PCNX1: variants seen among roughly 807,000 people sequenced by gnomAD.
PCNX1 encodes pecanex-like protein 1.
PCNX1 carries 78 observed loss-of-function variants against 242.2 expected under a neutral mutation model. The observed-to-expected ratio is 0.32, with a 90% CI of 0.27 to 0.39. PCNX1 has a LOEUF of 0.39. Among genes scored for constraint, PCNX1 ranks in the 10% least tolerant of loss-of-function variants. The probability of loss-of-function intolerance (pLI) is 1.00; values close to 1 mark genes in which losing one functional copy is unlikely to be tolerated. For synonymous variants in PCNX1, 1,024 were observed against 1,032.9 expected, an observed-to-expected ratio of 0.99 and a Z score of 0.17; for missense variants, 2,581 against 2,856.5, an observed-to-expected ratio of 0.90 and a Z score of 2.20.
At position 71,055,452 on chromosome 14, in the gene PCNX1, TA is replaced by T. The variant is rs376918792; in HGVS notation, c.4578-49del. ...TAGTTTCTTCCTCAGTCTAAATTGT[TA>T]AATATTTTTTAATGTAAAGAAAGTT... On this transcript the variant is annotated intron_variant, in intron 24 of 35. Coordinates refer to ENST00000304743, the MANE Select transcript of PCNX1 (RefSeq NM_014982.3). The T allele has an allele frequency of 4.3e-5, 46 of 1,068,196 alleles. No homozygotes were observed. The East Asian group carries it at 5.0e-4, about 12-fold the overall frequency. 66.2% of individuals were successfully genotyped at this position (1,068,196 alleles called of 1,614,324 possible).
At chr14:71,059,480 C>T (rs1236615061) in intron 26 of PCNX1, among the ~76,000 whole-genome samples, 2 of 151,978 alleles carry the variant, frequency 1.3e-5, no homozygotes, top group South Asian at 2.1e-4. Flanking sequence ...AACTCCTGGG[C>T]TCAAGGGATC....
chr14:70,990,564 CAA>C (rs35800114), intron 7 of PCNX1, among the ~76,000 whole-genome samples: 17 of 140,738 alleles, frequency 1.2e-4, no homozygotes, highest in Middle Eastern at 3.5e-3. Context: ...GACTCCATCT[CAA>C]AAAAAAAAAA....
At chr14:70,926,335 C>G (rs924504998) in intron 1 of PCNX1, among the ~76,000 whole-genome samples, 1 of 152,194 alleles carries the variant, frequency 6.6e-6, no homozygotes, top group Non-Finnish European at 1.5e-5. Context: ...GCCATTGCCC[C>G]TGCCGTCTCA....
intron 1 of PCNX1, among the ~76,000 whole-genome samples, chr14:70,916,516 A>G (rs2056158643): frequency 6.6e-6 from 1 of 152,226 alleles, no homozygotes; most frequent in Non-Finnish European, 1.5e-5. Flanking sequence ...AATGAGTCAC[A>G]AATTTTGTGG....
chr14:70,961,546 C>T (rs2058214451), intron 2 of PCNX1, among the ~76,000 whole-genome samples: 1 of 152,208 alleles, frequency 6.6e-6, no homozygotes, highest in African/African-American at 2.4e-5. Context: ...GTTTGGGCTT[C>T]TCCAGTGCTT....
chr14:70,998,111 G>A (rs1026106494), intron 8 of PCNX1, among the ~76,000 whole-genome samples: 26 of 151,810 alleles, frequency 1.7e-4, no homozygotes, highest in East Asian at 1.5e-3. Flanking sequence ...GTACATGTAC[G>A]TATGCTGTTT....
chr14:70,983,892 G>A (rs545523322), intron 6 of PCNX1, among the ~76,000 whole-genome samples: 1 of 151,392 alleles, frequency 6.6e-6, no homozygotes, highest in African/African-American at 2.4e-5. Flanking sequence ...AACTAAGAAA[G>A]GGAAAAACTA....
intron 2 of PCNX1, among the ~76,000 whole-genome samples, chr14:70,960,650 G>A (rs925985348): frequency 3.4e-4 from 52 of 151,966 alleles, no homozygotes; most frequent in African/African-American, 1.2e-3. Context: ...ACATAGTGTT[G>A]GAAGTTTTGG....
rs58909901 is a variant in PCNX1, at chr14:70,984,984, A to AAC, written c.2312-3583_2312-3582insAC. ...ATCTCATTGAGATAAATGTGAAGTA[A>AAC]CTCCTGAGGTGGGAGGTATGTATTA... On this transcript the variant is annotated intron_variant, in intron 6 of 35. Coordinates refer to ENST00000304743, the MANE Select transcript of PCNX1 (RefSeq NM_014982.3). Among the ~76,000 whole-genome samples, 2,042 of 152,226 alleles carry AAC rather than the reference A, an allele frequency of 0.013. 94 individuals carry two copies. In the East Asian group the frequency reaches 0.16, roughly 12 times the overall value.
chr14:71,042,058 A>G (rs2060722523), intron 19 of PCNX1, among the ~76,000 whole-genome samples: 2 of 152,200 alleles, frequency 1.3e-5, no homozygotes, highest in Admixed American at 6.5e-5. Context: ...TATGATTTCA[A>G]TTTTTAAAAA....
At chr14:71,089,136 A>G (rs1245642098) in intron 29 of PCNX1, 56 bp from the exon 30 acceptor site, 6 of 1,289,918 alleles carry the variant, frequency 4.7e-6, no homozygotes, top group Admixed American at 1.9e-5. Flanking sequence ...TGTAAGAATC[A>G]GTGTCATGGA....
At chr14:70,979,727 G>A (rs2058781863) in intron 6 of PCNX1, among the ~76,000 whole-genome samples, 5 of 152,002 alleles carry the variant, frequency 3.3e-5, no homozygotes, top group South Asian at 2.1e-4. Flanking sequence ...AATTTCACCC[G>A]AAGTATTTTA....
chr14:71,069,474 A>G (rs71425301), intron 26 of PCNX1, among the ~76,000 whole-genome samples: 9,420 of 152,284 alleles, frequency 0.062, 422 homozygotes, highest in East Asian at 0.27. Flanking sequence ...AATATTGCAT[A>G]TGTTTTTATT....
At position 71,009,667 on chromosome 14, in the gene PCNX1, G is replaced by T. The variant is rs756687887; in HGVS notation, c.2663G>T (p.Gly888Val). 30 of 1,603,914 alleles carry T rather than the reference G, an allele frequency of 1.9e-5. No homozygotes were observed. The highest frequency in any genetic ancestry group is 2.4e-5 in the Non-Finnish European group (28 of 1,172,684). The part of the protein sequence containing the change: ...KFSSTLYETG[G>V]CDMSLVNFEP... ...TCTTCTACGCTGTATGAGACTGGTG[G>T]CTGTGATATGTCACTTGTGAATTTT... Residue 888 changes from glycine to valine, a missense_variant, in exon 9 of 36, where the codon GGC becomes GTC. Transcript: ENST00000304743.
At chr14:70,974,390 C>T (rs905866802) in intron 5 of PCNX1, among the ~76,000 whole-genome samples, 3 of 151,968 alleles carry the variant, frequency 2.0e-5, no homozygotes, top group Non-Finnish European at 4.4e-5. Context: ...GCCTCGGCCT[C>T]CCAAAGTGCT....
At chr14:70,917,404 C>T (rs1287228472) in intron 1 of PCNX1, among the ~76,000 whole-genome samples, 1 of 152,148 alleles carries the variant, frequency 6.6e-6, no homozygotes, top group African/African-American at 2.4e-5. Flanking sequence ...CAAAATTACT[C>T]CTTGATCCAT....
intron 30 of PCNX1, chr14:71,093,014 G>T (rs1464600563): frequency 6.6e-6 from 1 of 152,138 alleles, no homozygotes; most frequent in Non-Finnish European, 1.5e-5. Context: ...GAGGTGGTCT[G>T]CTTGCCTCCA....
chr14:70,915,334 C>G (rs1169871232), intron 1 of PCNX1, among the ~76,000 whole-genome samples: 2 of 152,170 alleles, frequency 1.3e-5, no homozygotes, highest in African/African-American at 4.8e-5. Context: ...ATTTAAAAAT[C>G]TTTTTGTTCA....
At chr14:70,972,983 G>A (rs2058586030) in intron 5 of PCNX1, among the ~76,000 whole-genome samples, 1 of 152,146 alleles carries the variant, frequency 6.6e-6, no homozygotes, top group South Asian at 2.1e-4. Flanking sequence ...TGGGTGCGGT[G>A]ACTTACCCCT....
Sources: gnomAD v4.1 joint callset for allele counts (sites outside exome capture counted in the v4.1 genomes callset) on GRCh38, gnomAD v4.1.1 for gene constraint, MANE v1.5 for transcripts, NCBI Gene and HGNC (gene_info 2026-07-23, HGNC 2026-07-21) for gene names.